Variants in KCTD1 observed in about 807,000 individuals in gnomAD.
KCTD1 encodes the protein potassium channel tetramerization domain containing 1, also known as BTB/POZ domain-containing protein KCTD1.
KCTD1 carries 24 observed loss-of-function variants against 66.0 expected under a neutral mutation model. The ratio of observed to expected loss-of-function variants is 0.36; its 90% confidence interval spans 0.26 to 0.51. The LOEUF is 0.51. KCTD1 is among the 20% of genes least tolerant of loss of function. The pLI, the probability that KCTD1 is intolerant of heterozygous loss-of-function variation, is 0.95. For missense variants in KCTD1, 943 were observed against 1,205.2 expected, an observed-to-expected ratio of 0.78 and a Z score of 3.22; for synonymous variants, 511 against 517.2, an observed-to-expected ratio of 0.99 and a Z score of 0.16.
chr18:26,521,986 A>T (rs562664329), intron 1 of KCTD1, among the ~76,000 whole-genome samples: 1 of 151,558 alleles, frequency 6.6e-6, no homozygotes, highest in African/African-American at 2.4e-5. Flanking sequence ...AGGTGACTGG[A>T]AAAAAAAAGT....
At chr18:26,556,056 T>C (rs967303849) in intron 1 of KCTD1, among the ~76,000 whole-genome samples, 2 of 152,034 alleles carry the variant, frequency 1.3e-5, no homozygotes, top group African/African-American at 4.8e-5. Flanking sequence ...CCCTTTTAAA[T>C]ACCCAGAAGC....
chr18:26,533,780 A>C (rs1011174945), intron 1 of KCTD1, among the ~76,000 whole-genome samples: 5 of 150,050 alleles, frequency 3.3e-5, no homozygotes, highest in African/African-American at 7.4e-5. Context: ...AATTACAGGT[A>C]TGAGCCACCA....
intron 2 of KCTD1, among the ~76,000 whole-genome samples, chr18:26,485,489 T>C (rs953949178): frequency 3.3e-5 from 5 of 152,232 alleles, no homozygotes; most frequent in Non-Finnish European, 7.3e-5. Context: ...TGCATGCATC[T>C]TGAATTGAAA....
At chr18:26,647,027 T>C (rs939338430) in intron 1 of KCTD1, among the ~76,000 whole-genome samples, 1 of 152,206 alleles carries the variant, frequency 6.6e-6, no homozygotes, top group African/African-American at 2.4e-5. Flanking sequence ...CCACTGGTCT[T>C]GAACTCCTGT....
upstream of KCTD1, among the ~76,000 whole-genome samples, chr18:26,629,489 T>C (rs1432560525): frequency 1.3e-5 from 2 of 152,296 alleles, no homozygotes; most frequent in East Asian, 3.9e-4. Context: ...TGCAGGTAAA[T>C]GTTAATTACA....
chr18:26,607,664 T>C (rs1387255889), intron 1 of KCTD1, among the ~76,000 whole-genome samples: 2 of 152,256 alleles, frequency 1.3e-5, no homozygotes, highest in African/African-American at 2.4e-5. Context: ...TTCCTTCTCA[T>C]GTGTGGCTTT....
chr18:26,577,989 T>TCA (rs1268220932), intron 1 of KCTD1, among the ~76,000 whole-genome samples: 2 of 152,026 alleles, frequency 1.3e-5, no homozygotes, highest in Non-Finnish European at 2.9e-5. Flanking sequence ...TTCTGGGCCA[T>TCA]CACTGTAACT....
At chr18:26,622,411 T>C (rs1316800593) in intron 1 of KCTD1, among the ~76,000 whole-genome samples, 2 of 152,166 alleles carry the variant, frequency 1.3e-5, no homozygotes, top group Admixed American at 6.5e-5. Context: ...ATCAAAGTCA[T>C]TTCTCCTCCC....
intron 1 of KCTD1, among the ~76,000 whole-genome samples, chr18:26,603,679 G>C (rs1283746503): frequency 6.6e-6 from 1 of 151,626 alleles, no homozygotes; most frequent in East Asian, 1.9e-4. Flanking sequence ...GGAGGCAGAG[G>C]GTGCAGTGGG....
intron 1 of KCTD1, among the ~76,000 whole-genome samples, chr18:26,577,894 C>T (rs560690734): frequency 1.3e-5 from 2 of 152,074 alleles, no homozygotes; most frequent in South Asian, 2.1e-4. Context: ...TAATTCTGAT[C>T]ACCCATAAAT....
chr18:26,482,350 A>AGACT (rs1321287176), intron 2 of KCTD1, among the ~76,000 whole-genome samples: 1 of 152,200 alleles, frequency 6.6e-6, no homozygotes, highest in East Asian at 1.9e-4. Flanking sequence ...AAACACCCCA[A>AGACT]GACTCCTGAG....
At chr18:26,535,992 A>AT (rs200199492) in intron 1 of KCTD1, among the ~76,000 whole-genome samples, 2,422 of 149,024 alleles carry the variant, frequency 0.016, 54 homozygotes, top group African/African-American at 0.046. Context: ...AAAAAAGAAG[A>AT]TTTTTTTTCC....
At chr18:26,553,185 T>TC (rs1985619485), upstream of KCTD1, among the ~76,000 whole-genome samples, 1 of 152,092 alleles carries the variant, frequency 6.6e-6, no homozygotes, top group Admixed American at 6.5e-5. Context: ...GAGATAAGTT[T>TC]CCCCATGTTG....
chr18:26,461,224 C>G (rs953426009), intron 3 of KCTD1, among the ~76,000 whole-genome samples: 23 of 152,236 alleles, frequency 1.5e-4, no homozygotes, highest in Non-Finnish European at 1.5e-5. Context: ...TTCAACGCTT[C>G]CAGAGAAAAC....
At chr18:26,618,998 C>T (rs75015744) in intron 1 of KCTD1, among the ~76,000 whole-genome samples, 1,667 of 152,254 alleles carry the variant, frequency 0.011, 19 homozygotes, top group Middle Eastern at 0.02. Context: ...CTCTGCCTTC[C>T]CTGGAGTCTT....
intron 1 of KCTD1, among the ~76,000 whole-genome samples, chr18:26,562,908 T>A (rs1283948617): frequency 1.3e-5 from 2 of 152,156 alleles, no homozygotes; most frequent in African/African-American, 4.8e-5. Flanking sequence ...TAATTACCTC[T>A]TTAACAACCC....
intron 1 of KCTD1, among the ~76,000 whole-genome samples, chr18:26,562,065 C>G (rs116862264): frequency 6.6e-6 from 1 of 152,156 alleles, no homozygotes; most frequent in African/African-American, 2.4e-5. Context: ...CCAAGAAATC[C>G]TAACTATGCC....
intron 1 of KCTD1, chr18:26,600,219 G>T: frequency 6.2e-7 from 1 of 1,601,842 alleles, no homozygotes; most frequent in South Asian, 1.1e-5. Context: ...AGCCCAAGTC[G>T]GCTTGTGGAA....
chr18:26,578,292 C>A (rs975784187), intron 1 of KCTD1, among the ~76,000 whole-genome samples: 1 of 152,074 alleles, frequency 6.6e-6, no homozygotes, highest in Non-Finnish European at 1.5e-5. Context: ...TTCTATAAAT[C>A]ACTTTTACAA....
Sources: allele counts gnomAD v4.1 joint callset (sites outside exome capture counted in the v4.1 genomes callset), GRCh38; gene constraint gnomAD v4.1.1; transcripts MANE v1.5; gene names NCBI Gene and HGNC (gene_info 2026-07-23, HGNC 2026-07-21).